Variants in GALNT7 observed in about 807,000 individuals in gnomAD.
GALNT7 encodes N-acetylgalactosaminyltransferase 7.
A neutral mutation model predicts 82.1 loss-of-function variants in GALNT7; 60 were observed. The observed-to-expected ratio is 0.73, with a 90% CI of 0.59 to 0.91. The LOEUF is 0.91. GALNT7 is among the 40% of genes least tolerant of loss of function. The pLI is 0.00. For synonymous variants in GALNT7, 243 were observed against 275.1 expected (o/e 0.88, Z 1.15); for missense variants, 660 against 804.2 (o/e 0.82, Z 2.17).
intron 2 of GALNT7, among the ~76,000 whole-genome samples, chr4:173,284,991 A>G (rs1736270155): frequency 6.6e-6 from 1 of 152,190 alleles, no homozygotes; most frequent in Admixed American, 6.5e-5. Flanking sequence ...CTTTTATTTC[A>G]AAGTTTAATT....
At chr4:173,300,857 G>T (rs1351291594) in intron 6 of GALNT7, among the ~76,000 whole-genome samples, 1 of 152,114 alleles carries the variant, frequency 6.6e-6, no homozygotes, top group East Asian at 1.9e-4. Context: ...TTCAAGGCTG[G>T]GTGCAGTGGC....
At chr4:173,254,834 T>A (rs1734978512) in intron 2 of GALNT7, among the ~76,000 whole-genome samples, 2 of 152,242 alleles carry the variant, frequency 1.3e-5, no homozygotes, top group African/African-American at 2.4e-5. Context: ...ATGGACATGT[T>A]GCTTACTGAC....
intron 3 of GALNT7, among the ~76,000 whole-genome samples, chr4:173,294,620 G>A (rs1736655070): frequency 6.6e-6 from 1 of 152,086 alleles, no homozygotes; most frequent in Non-Finnish European, 1.5e-5. Context: ...ATGATCTGCA[G>A]CTCATTCTGA....
At chr4:173,260,616 A>C (rs1384259939) in intron 2 of GALNT7, among the ~76,000 whole-genome samples, 1 of 152,148 alleles carries the variant, frequency 6.6e-6, no homozygotes, top group East Asian at 1.9e-4. Context: ...AGTATTTTTT[A>C]CAGAGCTGTA....
chr4:173,266,039 C>T (rs115287416), intron 2 of GALNT7, among the ~76,000 whole-genome samples: 2,421 of 152,248 alleles, frequency 0.016, 63 homozygotes, highest in African/African-American at 0.051. Flanking sequence ...AAATGGATCA[C>T]TTGAGGCCAG....
intron 11 of GALNT7, among the ~76,000 whole-genome samples, chr4:173,321,167 G>A (rs549903647): frequency 6.6e-6 from 1 of 152,240 alleles, no homozygotes; most frequent in South Asian, 2.1e-4. Flanking sequence ...GCGATGGGAA[G>A]GAATATAAAC....
chr4:173,226,693 A>T (rs886268257), intron 1 of GALNT7, among the ~76,000 whole-genome samples: 2 of 151,620 alleles, frequency 1.3e-5, no homozygotes, highest in Non-Finnish European at 2.9e-5. Context: ...GTGTGCTATC[A>T]CTCCCTGGTG....
In GALNT7 at chr4:173,216,165, A is replaced by G. The variant is rs116516336; in HGVS notation, c.127-31815A>G. Among the ~76,000 whole-genome samples, 953 of 152,284 alleles carry G rather than the reference A, an allele frequency of 6.3e-3. 7 individuals are homozygous for G. Among genetic ancestry groups the G allele is most frequent in the African/African-American group, 0.022 (915 of 41,562 alleles). On this transcript the variant is annotated intron_variant, in intron 1 of 11. Transcript: ENST00000265000. ...TTAAAGTGAACTAATAATGATGTCT[A>G]TGTTATGATTCTATATGATATTTGA...
chr4:173,194,864 C>A (rs1732731421), intron 1 of GALNT7, among the ~76,000 whole-genome samples: 1 of 152,088 alleles, frequency 6.6e-6, no homozygotes, highest in South Asian at 2.1e-4. Context: ...GGTTTTCAGC[C>A]ATAGTAGCAT....
At chr4:173,286,115 T>TC (rs1479566886) in intron 2 of GALNT7, among the ~76,000 whole-genome samples, 1 of 152,216 alleles carries the variant, frequency 6.6e-6, no homozygotes, top group Non-Finnish European at 1.5e-5. Flanking sequence ...GATATCCACT[T>TC]TGAGGTAAGC....
intron 1 of GALNT7, among the ~76,000 whole-genome samples, chr4:173,214,456 C>T (rs969565637): frequency 1.3e-5 from 2 of 152,086 alleles, no homozygotes; most frequent in Admixed American, 6.5e-5. Context: ...CTAGCCTGCC[C>T]GCTGGGACAG....
intron 1 of GALNT7, among the ~76,000 whole-genome samples, chr4:173,189,119 A>T (rs1561147083): frequency 6.6e-6 from 1 of 152,220 alleles, no homozygotes; most frequent in Non-Finnish European, 1.5e-5. Context: ...TCATATCAGC[A>T]CTTATGCTCC....
intron 1 of GALNT7, among the ~76,000 whole-genome samples, chr4:173,197,527 CAG>C (rs1452607107): frequency 6.6e-6 from 1 of 152,194 alleles, no homozygotes; most frequent in African/African-American, 2.4e-5. Context: ...TATTGGTAAT[CAG>C]AGATGTTCCT....
At chr4:173,217,445 A>G (rs1205351637) in intron 1 of GALNT7, among the ~76,000 whole-genome samples, 2 of 152,194 alleles carry the variant, frequency 1.3e-5, no homozygotes, top group African/African-American at 2.4e-5. Flanking sequence ...TAGTCCATTA[A>G]TTTACCCTAA....
At chr4:173,268,529 C>CAT (rs1579973397) in intron 2 of GALNT7, among the ~76,000 whole-genome samples, 1 of 60,956 alleles carries the variant, frequency 1.6e-5, no homozygotes, top group African/African-American at 4.4e-5. Flanking sequence ...TTTTCTCTCT[C>CAT]GTTTTTTTTT....
chr4:173,229,192 G>A (rs559281000), intron 1 of GALNT7, among the ~76,000 whole-genome samples: 1 of 152,182 alleles, frequency 6.6e-6, no homozygotes, highest in Non-Finnish European at 1.5e-5. Flanking sequence ...CATGAGATGA[G>A]TATATCATTT....
intron 8 of GALNT7, 70 bp from the exon 9 acceptor site, chr4:173,313,888 A>C: frequency 5.8e-6 from 4 of 683,966 alleles, no homozygotes; most frequent in Non-Finnish European, 9.3e-6. Context: ...CATGTGTCTA[A>C]TATAGGCTGT....
chr4:173,292,887 A>C lies in GALNT7; in HGVS notation c.754+613A>C, dbSNP rs750392570. ...AGAGTAGAGGCTTTAAGATACTTTAAAACTTTTCTTCAGTTCTCATGTTAA... is the reference window on the plus strand; with the variant it reads ...AGAGTAGAGGCTTTAAGATACTTTACAACTTTTCTTCAGTTCTCATGTTAA... On this transcript the variant is annotated intron_variant, in intron 3 of 11. Coordinates refer to ENST00000265000, the MANE Select transcript of GALNT7 (RefSeq NM_017423.3). The surrounding 1 kb of genome is among the most constrained non-coding windows in gnomAD (Gnocchi z 4.8). 6.6e-6 allele frequency among the ~76,000 whole-genome samples: 1 copy of C among 152,144 alleles called. No individual in the cohort carries two copies. The highest frequency in any genetic ancestry group is 1.5e-5 in the Non-Finnish European group (1 of 68,004).
chr4:173,180,326 CTTT>C (rs10687213), intron 1 of GALNT7, among the ~76,000 whole-genome samples: 1 of 123,214 alleles, frequency 8.1e-6, no homozygotes. Context: ...ATTGGAGTTC[CTTT>C]TTTTTTTTTT....
Sources: allele counts gnomAD v4.1 joint callset (sites outside exome capture counted in the v4.1 genomes callset), GRCh38; gene constraint gnomAD v4.1.1; non-coding constraint Gnocchi (gnomAD v3.1); transcripts MANE v1.5; gene names NCBI Gene and HGNC (gene_info 2026-07-23, HGNC 2026-07-21).